Variants in PASK observed in about 807,000 individuals in gnomAD.
The protein encoded by PASK is PAS domain-containing serine/threonine-protein kinase.
In PASK, 110 loss-of-function variants were observed where a neutral mutation model predicts 121.0. That is an observed-to-expected ratio of 0.91 (90% CI 0.78 to 1.06). The LOEUF (loss-of-function observed/expected upper bound fraction) is 1.06. Among genes scored for constraint, PASK ranks in the 50% least tolerant of loss-of-function variants. The pLI is 0.00. For missense variants in PASK, 1,643 were observed against 1,702.3 expected (o/e 0.97, Z 0.61); for synonymous variants, 686 against 717.8 (o/e 0.96, Z 0.71).
Position 241,127,444 on chromosome 2 carries a change from T to A in PASK, c.1471A>T (p.Asn491Tyr). The change falls in exon 10 of 18, where the codon AAT (asparagine) becomes TAT (tyrosine). Residue 491 changes from asparagine (N) to tyrosine (Y), a missense_variant. This residue lies in a region of PASK where 1,176 missense variants were observed against 1,162.2 expected (regional missense o/e 1.01). Coordinates refer to ENST00000234040, the MANE Select transcript of PASK (RefSeq NM_015148.4). ...LSPQPAPGVD[N>Y]VPEGSLPVHG... Reference sequence around the variant, plus strand: ...ACTGGCAGGCTTCCTTCTGGGACATTGTCCACCCTGGGGATAATGACATGG... The same window carrying A: ...ACTGGCAGGCTTCCTTCTGGGACATAGTCCACCCTGGGGATAATGACATGG... The A allele has an allele frequency of 2.5e-6, 4 of 1,613,742 alleles. No homozygotes were observed. The highest frequency in any genetic ancestry group is 3.4e-6 in the Non-Finnish European group (4 of 1,179,680).
chr2:241,136,115 A>G, intron 7 of PASK, 76 bp from the exon 8 acceptor site: 1 of 1,297,030 alleles, frequency 7.7e-7, no homozygotes, highest in Non-Finnish European at 1.1e-6. Flanking sequence ...CTGGGGGAGG[A>G]ATGAACACAA....
At chr2:241,133,091 C>T (rs144696464) in intron 8 of PASK, 61 bp from the exon 9 acceptor site, 1 of 1,519,834 alleles carries the variant, frequency 6.6e-7, no homozygotes, top group East Asian at 2.3e-5. Flanking sequence ...AACGAATCTG[C>T]TCATTCGCCT....
At chr2:241,139,657 A>G (rs2066608747) in intron 4 of PASK, 1 of 701,406 alleles carries the variant, frequency 1.4e-6, no homozygotes, top group South Asian at 1.5e-5. Context: ...GAGTCCAGCC[A>G]CAGCCACAGT....
intron 8 of PASK, among the ~76,000 whole-genome samples, chr2:241,135,285 C>T (rs775956590): frequency 6.6e-6 from 1 of 152,098 alleles, no homozygotes; most frequent in African/African-American, 2.4e-5. Flanking sequence ...TGCAGTCAAC[C>T]CTCAGTACAC....
chr2:241,114,203 T>C (rs192183696), intron 14 of PASK: 1 of 985,002 alleles, frequency 1.0e-6, no homozygotes, highest in Non-Finnish European at 1.2e-6. Context: ...TGACCCTTTT[T>C]TGCAGAACCA....
intron 1 of PASK, 100 bp downstream of exon 1, chr2:241,149,314 C>A (rs1369888865): frequency 4.9e-6 from 1 of 205,258 alleles, no homozygotes; most frequent in Non-Finnish European, 9.8e-6. Context: ...AGTCGGGCGG[C>A]GGATCCTCCT....
chr2:241,147,418 G>A (rs2067004085), intron 1 of PASK, among the ~76,000 whole-genome samples: 1 of 152,048 alleles, frequency 6.6e-6, no homozygotes, highest in Non-Finnish European at 1.5e-5. Flanking sequence ...AGGAGTTCGA[G>A]ATCAGCCTGG....
chr2:241,115,485 C>A, intron 12 of PASK, 72 bp from the exon 13 acceptor site: 3 of 1,583,244 alleles, frequency 1.9e-6, no homozygotes, highest in Admixed American at 1.7e-5. Flanking sequence ...CCAGGGCCAC[C>A]CAGTCCTCAA....
chr2:241,139,744 T>C, intron 4 of PASK, 141 bp downstream of exon 4: 2 of 817,196 alleles, frequency 2.4e-6, no homozygotes, highest in African/African-American at 1.7e-5. Context: ...GCGCCTGGGA[T>C]GACATTTTCA....
intron 9 of PASK, among the ~76,000 whole-genome samples, chr2:241,130,697 A>C (rs1325703699): frequency 6.6e-6 from 1 of 152,176 alleles, no homozygotes; most frequent in Non-Finnish European, 1.5e-5. Flanking sequence ...CACGCCACTC[A>C]ACGCGGACCC....
At position 241,126,481 on chromosome 2, in the gene PASK, G is replaced by T. The variant is rs777535373; in HGVS notation, c.2434C>A (p.Arg812=). 6.2e-7 allele frequency: 1 copy of T among 1,614,220 alleles called. No individual in the cohort carries two copies. The highest frequency in any genetic ancestry group is 1.1e-5 in the South Asian group (1 of 91,088). The change falls in exon 10 of 18, where the codon CGG becomes AGG. Residue 812 remains arginine (R), a synonymous_variant. Coordinates refer to ENST00000234040, the MANE Select transcript of PASK (RefSeq NM_015148.4). ...TGTCCCACACAGCTCTCCCGGAACCGTCGGCCTTGGCCAAGGTCAACACAG... is the reference window on the plus strand; with the variant it reads ...TGTCCCACACAGCTCTCCCGGAACCTTCGGCCTTGGCCAAGGTCAACACAG... ...GTCVDLGQGR[R]FRESCVGHDP...
chr2:241,142,058 C>T (rs777311421), intron 2 of PASK, among the ~76,000 whole-genome samples: 4 of 152,212 alleles, frequency 2.6e-5, no homozygotes, highest in African/African-American at 4.8e-5. Flanking sequence ...CTCCCAAGGG[C>T]GCTGTGTGCC....
At chr2:241,128,272 C>T (rs2065967390) in intron 9 of PASK, among the ~76,000 whole-genome samples, 1 of 152,206 alleles carries the variant, frequency 6.6e-6, no homozygotes, top group African/African-American at 2.4e-5. Context: ...CAGAGTGAGA[C>T]TCCGTCTCAA....
Position 241,123,517 on chromosome 2 carries a change from T to G in PASK, c.2904+432A>C, listed in dbSNP as rs190851314. Among the ~76,000 whole-genome samples, 3 of 151,710 alleles carry G rather than the reference T, an allele frequency of 2.0e-5. No homozygotes were observed. In the East Asian group the frequency reaches 5.9e-4, roughly 30 times the overall value. ...AGTCACACTGGATATTAAAAGACAGTGTGAAAAGTTACAAAGAGGGCCAGG... is the reference window on the plus strand; with the variant it reads ...AGTCACACTGGATATTAAAAGACAGGGTGAAAAGTTACAAAGAGGGCCAGG... On this transcript the variant is annotated intron_variant, in intron 11 of 17. Transcript: ENST00000234040.
At position 241,116,730 on chromosome 2, in the gene PASK, G is replaced by A. The variant is rs576927841; in HGVS notation, c.3073-1317C>T. Among the ~76,000 whole-genome samples, 17 of 152,328 alleles carry A rather than the reference G, an allele frequency of 1.1e-4. No homozygotes were observed. In the South Asian group the frequency reaches 1.2e-3, roughly 11 times the overall value. On this transcript the variant is annotated intron_variant, in intron 12 of 17. Coordinates refer to ENST00000234040, the MANE Select transcript of PASK (RefSeq NM_015148.4). The stretch of plus-strand genomic sequence containing the variant: ...CACAAAAGAAAGAACACTGCAAGTC[G>A]CTGAAAATCTGGTCGCCCAACACAA...
chr2:241,149,721 G>A, upstream of PASK: 1 of 1,549,826 alleles, frequency 6.5e-7, no homozygotes, highest in Non-Finnish European at 8.7e-7. Context: ...GAGTAGCGCA[G>A]AGCTCGCCTC....
intron 1 of PASK, 37 bp from the exon 2 acceptor site, chr2:241,143,111 G>T: frequency 1.9e-6 from 2 of 1,066,948 alleles, no homozygotes; most frequent in Non-Finnish European, 2.9e-6. Context: ...CATCTGCAAT[G>T]CAAAAACACA....
rs1160268720 is a variant in PASK, at chr2:241,112,309, C to T, written c.3464G>A (p.Arg1155Lys). The part of the protein sequence containing the change: ...IDFGSAAYLE[R>K]GKLFYTFCGT... Reference sequence around the variant, plus strand: ...ACAAAAAGTATAAAATAATTTTCCCCTTTCCAAGTAGGCGGCCGAGCCAAA... The same window carrying T: ...ACAAAAAGTATAAAATAATTTTCCCTTTTCCAAGTAGGCGGCCGAGCCAAA... Residue 1155 changes from arginine to lysine, a missense_variant, in exon 15 of 18, where the codon AGG becomes AAG. By Grantham distance (26) the Arg-to-Lys change is conservative (BLOSUM62 2). Transcript: ENST00000234040. This position sits in a 1 kb window ranked among gnomAD's most constrained non-coding sequence, Gnocchi z 5.2. 2 of 1,613,748 alleles carry T rather than the reference C, an allele frequency of 1.2e-6. No homozygotes were observed. Among genetic ancestry groups the T allele is most frequent in the African/African-American group, 1.3e-5 (1 of 74,972 alleles).
chr2:241,149,633 G>C (rs530701258), upstream of PASK: 1,433 of 1,538,914 alleles, frequency 9.3e-4, 30 homozygotes, highest in South Asian at 0.015. Flanking sequence ...CGCTTCGGAG[G>C]AGCCAAAGGA....
Sources: gnomAD v4.1 joint callset for allele counts (sites outside exome capture counted in the v4.1 genomes callset) on GRCh38, gnomAD v4.1.1 for gene constraint, gnomAD v4.1.1 regional missense constraint, Gnocchi (gnomAD v3.1) non-coding constraint, MANE v1.5 for transcripts, NCBI Gene and HGNC (gene_info 2026-07-23, HGNC 2026-07-21) for gene names.